The following DNAJB6 variants were observed in gnomAD, a reference collection of about 807,000 sequenced individuals.
DNAJB6 encodes DnaJ heat shock protein family (Hsp40) member B6.
A neutral mutation model predicts 42.7 loss-of-function variants in DNAJB6; 16 were observed. The ratio of observed to expected loss-of-function variants is 0.37; its 90% CI spans 0.25 to 0.57. The LOEUF (loss-of-function observed/expected upper bound fraction) is 0.57, where lower values mean the gene tolerates loss of function less well. Among genes scored for constraint, DNAJB6 ranks in the 20% least tolerant of loss-of-function variants. DNAJB6 has a pLI of 0.74. For synonymous variants in DNAJB6, 170 were observed against 163.5 expected (o/e 1.04, Z -0.30); for missense variants, 347 against 416.8 (o/e 0.83, Z 1.46).
At chr7:157,338,428 G>A (rs1355551404) in intron 1 of DNAJB6, among the ~76,000 whole-genome samples, 1 of 152,050 alleles carries the variant, frequency 6.6e-6, no homozygotes, top group African/African-American at 2.4e-5. Flanking sequence ...CCAGCTCCCA[G>A]GTTCAAGCGA....
In DNAJB6 at chr7:157,357,322, C is replaced by CAGT. The variant is rs1554455117; in HGVS notation, c.-26-1225_-26-1224insAGT. Among the ~76,000 whole-genome samples the CAGT allele has an allele frequency of 5.4e-4, 17 of 31,416 alleles. 3 individuals carry two copies. In the East Asian group the frequency reaches 0.018, roughly 32 times the overall value. 20.6% of individuals were successfully genotyped at this position (31,416 alleles called of 152,430 possible). A position where few individuals can be genotyped will look rare whatever the true frequency, so the allele number is the denominator to read the frequency against. ...TCCTTCCTTCCTTCCTTCCTTCCTT[C>CAGT]CTCGTTCCGTCGCCCGGGCTGGAGT... On this transcript the variant is annotated intron_variant, in intron 1 of 9. Coordinates refer to ENST00000262177, the MANE Select transcript of DNAJB6 (RefSeq NM_058246.4).
rs886044476 is a variant in DNAJB6 at position 157,409,960 on chromosome 7, C to T, written c.857C>T (p.Pro286Leu). Residue 286 changes from proline to leucine, a missense_variant, in exon 9 of 10, where the codon CCT (proline) becomes CTT (leucine). Coordinates refer to ENST00000262177, the MANE Select transcript of DNAJB6 (RefSeq NM_058246.4). ...GAGGAGGAGGGCGAGCAGGACCGAC[C>T]TCGGGCACCCGGGCCCTGGGACCCC... ...LSEEEGEQDR[P>L]RAPGPWDPLA... The T allele has an allele frequency of 2.0e-5, 30 of 1,535,908 alleles. No individual in the cohort carries two copies. Among genetic ancestry groups the T allele is most frequent in the Non-Finnish European group, 2.6e-5 (30 of 1,144,780 alleles).
At chr7:157,370,438 C>G (rs956125864) in intron 5 of DNAJB6, among the ~76,000 whole-genome samples, 3 of 152,108 alleles carry the variant, frequency 2.0e-5, no homozygotes, top group Non-Finnish European at 4.4e-5. Context: ...TAAACAGGTC[C>G]TTTCTTAACA....
rs556999563 is a variant in DNAJB6 at position 157,409,809 on chromosome 7, G to A, written c.706G>A (p.Asp236Asn). 4.1e-4 allele frequency: 628 copies of A among 1,528,442 alleles called. No homozygotes were observed. Among genetic ancestry groups the A allele is most frequent in the South Asian group, 6.3e-4 (53 of 83,608 alleles). The allele number at this position is 1,528,442 out of a possible 1,614,324, so 94.7% of individuals were successfully genotyped here. ...SLTINGVADDDALAEERMRRG... is the reference protein window; with the variant it reads ...SLTINGVADDNALAEERMRRG... ...TGTGCCTGCAGGTGTGGCCGACGACGATGCCCTCGCTGAGGAGCGCATGCG... is the reference window on the plus strand; with the variant it reads ...TGTGCCTGCAGGTGTGGCCGACGACAATGCCCTCGCTGAGGAGCGCATGCG... The change falls in exon 9 of 10, where the codon GAT (aspartate) becomes AAT (asparagine). Residue 236 changes from aspartate to asparagine, a missense_variant. By Grantham distance (23) the Asp-to-Asn change is conservative (BLOSUM62 1). Around this residue, in one of 3 missense-constraint regions of DNAJB6, gnomAD observed 264 missense variants for 288.0 expected, o/e 0.92. Transcript: ENST00000262177.
chr7:157,378,637 A>T (rs1283165066), intron 5 of DNAJB6: 1 of 152,198 alleles, frequency 6.6e-6, no homozygotes, highest in African/African-American at 2.4e-5. Flanking sequence ...TTGCCTGTGC[A>T]TGGTTACGCA....
intron 5 of DNAJB6, chr7:157,372,117 T>G (rs368421715): frequency 1.3e-5 from 2 of 152,672 alleles, no homozygotes; most frequent in African/African-American, 4.8e-5. Context: ...GATTAAATTA[T>G]GATAGTAGTC....
In DNAJB6 at chr7:157,357,264, GTCCTTCCTTCCGTCCTTCCTTCCGTCCT is replaced by G. The variant is rs1271750086; in HGVS notation, c.-26-1271_-26-1244del. On this transcript the variant is annotated intron_variant, in intron 1 of 9. Transcript: ENST00000262177. ...CTTCCTTCCTTCCTTCCTTCCTTCC[GTCCTTCCTTCCGTCCTTCCTTCCGTCCT>G]TCCTTCCTTCCTTCCTTCCTTCCTT... Among the ~76,000 whole-genome samples, 9 of 38,152 alleles carry G rather than the reference GTCCTTCCTTCCGTCCTTCCTTCCGTCCT, an allele frequency of 2.4e-4. 2 individuals are homozygous for G. Among genetic ancestry groups the G allele is most frequent in the Admixed American group, 1.1e-3 (3 of 2,712 alleles). 25.0% of individuals were successfully genotyped at this position (38,152 alleles called of 152,430 possible). A position where few individuals can be genotyped will look rare whatever the true frequency, so the allele number is the denominator to read the frequency against.
intron 6 of DNAJB6, chr7:157,382,623 G>T (rs1029486578): frequency 2.1e-4 from 59 of 281,364 alleles, no homozygotes; most frequent in African/African-American, 1.2e-3. Context: ...AGAATGTAAT[G>T]AAATTCTTAG....
At chr7:157,384,054 A>G (rs1396026970) in intron 6 of DNAJB6, among the ~76,000 whole-genome samples, 3 of 152,210 alleles carry the variant, frequency 2.0e-5, no homozygotes, top group Non-Finnish European at 4.4e-5. Context: ...TGATTGAATC[A>G]TGTTCAGAGG....
At chr7:157,388,904 T>C (rs1801210536) in intron 8 of DNAJB6, among the ~76,000 whole-genome samples, 1 of 152,222 alleles carries the variant, frequency 6.6e-6, no homozygotes, top group Admixed American at 6.5e-5. Flanking sequence ...ATTTAAGCTT[T>C]TTAGATTCCA....
At chr7:157,360,692 G>A (rs1447662641) in intron 2 of DNAJB6, among the ~76,000 whole-genome samples, 1 of 152,190 alleles carries the variant, frequency 6.6e-6, no homozygotes, top group Non-Finnish European at 1.5e-5. Context: ...TGATAGCTAT[G>A]GGGGCGTGCT....
chr7:157,392,083 C>G (rs1030065151), intron 8 of DNAJB6, among the ~76,000 whole-genome samples: 1 of 113,076 alleles, frequency 8.8e-6, no homozygotes, highest in Admixed American at 1.1e-4. Flanking sequence ...ACCTGGGCAA[C>G]AAGGAGACCC....
At chr7:157,350,829 G>A (rs1050854781) in intron 1 of DNAJB6, among the ~76,000 whole-genome samples, 2 of 150,044 alleles carry the variant, frequency 1.3e-5, no homozygotes, top group Non-Finnish European at 1.5e-5. Context: ...CTTAGCTGGC[G>A]TTACAGGTGT....
At chr7:157,413,183 A>C (rs1234437182) in intron 9 of DNAJB6, 2 of 152,222 alleles carry the variant, frequency 1.3e-5, no homozygotes, top group Non-Finnish European at 2.9e-5. Context: ...ATCCTCACTC[A>C]GGCTTTGGAA....
chr7:157,340,340 G>A (rs1255979365), intron 1 of DNAJB6, among the ~76,000 whole-genome samples: 2 of 152,186 alleles, frequency 1.3e-5, no homozygotes, highest in Non-Finnish European at 2.9e-5. Flanking sequence ...GCGAGTAAGA[G>A]TAGGATCAGT....
At chr7:157,360,267 C>T (rs1235321422) in intron 2 of DNAJB6, among the ~76,000 whole-genome samples, 1 of 152,166 alleles carries the variant, frequency 6.6e-6, no homozygotes, top group African/African-American at 2.4e-5. Flanking sequence ...AAAGCGGAAA[C>T]CCCTTATAAA....
chr7:157,400,729 G>T (rs200931361), intron 8 of DNAJB6, among the ~76,000 whole-genome samples: 2 of 152,228 alleles, frequency 1.3e-5, no homozygotes, highest in Non-Finnish European at 2.9e-5. Context: ...GTGTTGATGA[G>T]GCACACAGGT....
intron 1 of DNAJB6, among the ~76,000 whole-genome samples, chr7:157,346,103 A>C (rs762706181): frequency 3.9e-5 from 6 of 152,064 alleles, no homozygotes; most frequent in Non-Finnish European, 8.8e-5. Flanking sequence ...AGAAGAGGGA[A>C]GTAGAGGAGC....
At chr7:157,352,683 G>C (rs1268355101) in intron 1 of DNAJB6, among the ~76,000 whole-genome samples, 1 of 152,022 alleles carries the variant, frequency 6.6e-6, no homozygotes, top group African/African-American at 2.4e-5. Context: ...TGTATTACTG[G>C]TTCCTTTCTA....
Sources: gnomAD v4.1 joint callset for allele counts (sites outside exome capture counted in the v4.1 genomes callset) on GRCh38, gnomAD v4.1.1 for gene constraint, gnomAD v4.1.1 regional missense constraint, MANE v1.5 for transcripts, NCBI Gene and HGNC (gene_info 2026-07-23, HGNC 2026-07-21) for gene names.